The following CERKL variants were observed in gnomAD, a reference collection of about 807,000 sequenced individuals.
CERKL encodes ceramide kinase-like protein.
In CERKL, 61 loss-of-function variants were observed where a neutral mutation model predicts 63.4. That is an observed-to-expected ratio of 0.96 (90% confidence interval 0.78 to 1.19). CERKL has a LOEUF of 1.19. Among genes scored for constraint, CERKL ranks in the 50% most tolerant of loss-of-function variants. The pLI is 0.00. For synonymous variants in CERKL, 250 were observed against 230.5 expected (o/e 1.08, Z -0.77); for missense variants, 675 against 655.5 (o/e 1.03, Z -0.33).
rs1686232759 is a variant in CERKL, at chr2:181,617,173, AAC to A, written c.239-13096_239-13095del. The A allele has an allele frequency of 2.6e-5, 4 of 152,362 alleles. No homozygotes were observed. The South Asian group carries it at 8.3e-4, about 32-fold the overall frequency. The allele number at this position is 152,362 out of a possible 1,614,324, so 9.4% of individuals were successfully genotyped here. A position where few individuals can be genotyped will look rare whatever the true frequency, so the allele number is the denominator to read the frequency against. ...ATTTAACTGTTCTTGATGAAGCAAT[AAC>A]ACTTATTTTTAAAAAAATCTCCACC... On this transcript the variant is annotated intron_variant, in intron 1 of 12. Coordinates refer to ENST00000410087, the MANE Select transcript of CERKL (RefSeq NM_201548.5).
At chr2:181,638,407 T>C (rs1479970693) in intron 1 of CERKL, among the ~76,000 whole-genome samples, 2 of 152,050 alleles carry the variant, frequency 1.3e-5, no homozygotes, top group South Asian at 2.1e-4. Flanking sequence ...GACAGCTGAG[T>C]GAATGTCAAA....
intron 1 of CERKL, among the ~76,000 whole-genome samples, chr2:181,619,269 G>A (rs971584666): frequency 2.6e-5 from 4 of 151,424 alleles, no homozygotes; most frequent in Non-Finnish European, 5.9e-5. Flanking sequence ...AGGTCTCCAA[G>A]AATGGCACCA....
intron 1 of CERKL, among the ~76,000 whole-genome samples, chr2:181,642,963 C>A (rs1489054110): frequency 6.6e-6 from 1 of 152,140 alleles, no homozygotes; most frequent in Non-Finnish European, 1.5e-5. Flanking sequence ...AGCGATTGCC[C>A]ACCTCTAGTC....
intron 5 of CERKL, among the ~76,000 whole-genome samples, chr2:181,557,833 T>TGC (rs893834552): frequency 2.0e-5 from 3 of 152,212 alleles, no homozygotes; most frequent in African/African-American, 7.2e-5. Context: ...TCCTGGGTTT[T>TGC]GCCTTTGCTT....
intron 2 of CERKL, 26 bp from the exon 3 acceptor site, chr2:181,573,910 T>C: frequency 6.2e-7 from 1 of 1,609,060 alleles, no homozygotes. Flanking sequence ...AAAGACAAAG[T>C]TGTAAAGTCC....
In CERKL at chr2:181,657,105, T is replaced by A. The variant is rs1688215860; in HGVS notation, c.-99A>T. The A allele has an allele frequency of 3.4e-6, 4 of 1,160,798 alleles. No individual in the cohort carries two copies. The South Asian group carries it at 5.3e-5, about 15-fold the overall frequency. 71.9% of individuals were successfully genotyped at this position (1,160,798 alleles called of 1,614,324 possible). On this transcript the variant is annotated 5_prime_UTR_variant, in exon 1 of 13. Coordinates refer to ENST00000410087, the MANE Select transcript of CERKL (RefSeq NM_201548.5). The stretch of plus-strand genomic sequence containing the variant: ...CCCCAGCTCTAGCCGCGTCCAGCGC[T>A]GCCACAGCAACGGCGCGCAGGGCAG...
At chr2:181,644,841 G>A (rs1687602215) in intron 1 of CERKL, among the ~76,000 whole-genome samples, 1 of 152,124 alleles carries the variant, frequency 6.6e-6, no homozygotes, top group South Asian at 2.1e-4. Flanking sequence ...AAGCACAAAG[G>A]AAGCTAATTC....
chr2:181,649,132 A>G (rs926161296), intron 1 of CERKL, among the ~76,000 whole-genome samples: 1 of 152,096 alleles, frequency 6.6e-6, no homozygotes, highest in African/African-American at 2.4e-5. Flanking sequence ...GCAGGACTGG[A>G]AAAAAAACTC....
At chr2:181,655,158 TAAA>T (rs1312449291) in intron 1 of CERKL, among the ~76,000 whole-genome samples, 4 of 144,934 alleles carry the variant, frequency 2.8e-5, no homozygotes, top group African/African-American at 5.2e-5. Context: ...TTGCAACCTT[TAAA>T]GTTACAAATC....
intron 3 of CERKL, among the ~76,000 whole-genome samples, chr2:181,569,600 C>G (rs1178584917): frequency 6.6e-6 from 1 of 152,142 alleles, no homozygotes; most frequent in East Asian, 1.9e-4. Context: ...GGTGACTAGG[C>G]ACTCCCAAGA....
At chr2:181,538,832 A>T (rs928131635) in intron 12 of CERKL, among the ~76,000 whole-genome samples, 1 of 152,204 alleles carries the variant, frequency 6.6e-6, no homozygotes, top group Non-Finnish European at 1.5e-5. Flanking sequence ...TCTGTAGTTT[A>T]TGCACAACAA....
intron 3 of CERKL, among the ~76,000 whole-genome samples, chr2:181,572,124 C>T (rs1688928551): frequency 6.6e-6 from 1 of 152,078 alleles, no homozygotes; most frequent in Admixed American, 6.6e-5. Context: ...CTCTCCGCCC[C>T]CCCTCCCAAC....
At chr2:181,549,550 A>G (rs1234889000) in intron 6 of CERKL, 84 bp downstream of exon 6, 3 of 1,109,826 alleles carry the variant, frequency 2.7e-6, no homozygotes, top group Non-Finnish European at 4.1e-6. Context: ...GCCTTTTCTT[A>G]AAGTCTGATG....
rs1045711966 is a variant in CERKL at position 181,573,203 on chromosome 2, T to G, written c.613+550A>C. ...TACTAATCATCTATTAAGTTTAGCA[T>G]TAACAAGTTTCTATTTTCCTTGGCA... On this transcript the variant is annotated intron_variant, in intron 3 of 12. Coordinates refer to ENST00000410087, the MANE Select transcript of CERKL (RefSeq NM_201548.5). Among the ~76,000 whole-genome samples the G allele has an allele frequency of 1.6e-4, 24 of 152,316 alleles. 1 individual carries two copies. In the Middle Eastern group the frequency reaches 0.01, roughly 65 times the overall value.
chr2:181,569,550 C>G (rs1688811147), intron 3 of CERKL, among the ~76,000 whole-genome samples: 1 of 152,140 alleles, frequency 6.6e-6, no homozygotes, highest in Admixed American at 6.6e-5. Context: ...ATAACAAACA[C>G]CACTTTCTTG....
At chr2:181,586,484 T>A (rs1684773508) in intron 2 of CERKL, among the ~76,000 whole-genome samples, 1 of 152,164 alleles carries the variant, frequency 6.6e-6, no homozygotes, top group East Asian at 1.9e-4. Context: ...TTATCACTTA[T>A]TCATAACTTG....
intron 11 of CERKL, among the ~76,000 whole-genome samples, chr2:181,540,044 T>C (rs921913382): frequency 1.1e-5 from 1 of 92,796 alleles, no homozygotes; most frequent in Admixed American, 1.3e-4. Context: ...CTTTTCCACA[T>C]GTAAACCTCA....
At chr2:181,612,522 T>A (rs1311581039) in intron 1 of CERKL, among the ~76,000 whole-genome samples, 1 of 152,154 alleles carries the variant, frequency 6.6e-6, no homozygotes, top group Non-Finnish European at 1.5e-5. Flanking sequence ...TCTTTGTATC[T>A]GGTTTATTTT....
At chr2:181,578,242 G>GTGTA (rs2105854195) in intron 2 of CERKL, among the ~76,000 whole-genome samples, 1 of 135,216 alleles carries the variant, frequency 7.4e-6, no homozygotes, top group African/African-American at 2.9e-5. Context: ...ATATATGTGT[G>GTGTA]TATATATATG....
Sources: gnomAD v4.1 joint callset for allele counts (sites outside exome capture counted in the v4.1 genomes callset) on GRCh38, gnomAD v4.1.1 for gene constraint, MANE v1.5 for transcripts, NCBI Gene and HGNC (gene_info 2026-07-23, HGNC 2026-07-21) for gene names.